The following RUVBL1 variants were observed in gnomAD, a reference collection of about 807,000 sequenced individuals.
RUVBL1 encodes RuvB like AAA ATPase 1.
RUVBL1 carries 4 observed loss-of-function variants against 52.4 expected under a neutral mutation model. That is an observed-to-expected ratio of 0.08 (90% CI 0.04 to 0.17). The LOEUF (loss-of-function observed/expected upper bound fraction) is 0.17. Among genes scored for constraint, RUVBL1 ranks in the 10% least tolerant of loss-of-function variants. The pLI, the probability that RUVBL1 is intolerant of heterozygous loss-of-function variation, is 1.00. For synonymous variants in RUVBL1, 217 were observed against 214.4 expected (o/e 1.01, Z -0.10); for missense variants, 298 against 572.8 (o/e 0.52, Z 4.90).
chr3:128,100,536 A>G (rs955342894), intron 6 of RUVBL1, 59 bp downstream of exon 6: 12 of 1,520,624 alleles, frequency 7.9e-6, no homozygotes. Flanking sequence ...TCATTCCCAG[A>G]TCTCCACACA....
chr3:128,077,003 G>A (rs1426251328), downstream of RUVBL1, among the ~76,000 whole-genome samples: 1 of 151,910 alleles, frequency 6.6e-6, no homozygotes, highest in African/African-American at 2.4e-5. Context: ...GCGGGCAATC[G>A]GCAGGCGCCC....
At chr3:128,116,528 CAAAA>C (rs56800760) in intron 2 of RUVBL1, among the ~76,000 whole-genome samples, 6 of 99,320 alleles carry the variant, frequency 6.0e-5, no homozygotes, top group Admixed American at 2.3e-4. Flanking sequence ...GACTTCATCT[CAAAA>C]AAAAAAAAAA....
intron 9 of RUVBL1, chr3:128,069,939 T>C (rs1942110483): frequency 2.9e-6 from 1 of 346,380 alleles, no homozygotes; most frequent in Admixed American, 4.5e-5. Flanking sequence ...TCCATGTAAC[T>C]TTTGTTTTAA....
At chr3:128,066,987 C>A (rs1425539176) in intron 9 of RUVBL1, 2 of 1,614,162 alleles carry the variant, frequency 1.2e-6, no homozygotes, top group Admixed American at 3.3e-5. Context: ...CAAGTCGGCC[C>A]GCTACCGTGG....
At chr3:128,148,059 C>CA (rs1276923811) in intron 1 of RUVBL1, among the ~76,000 whole-genome samples, 2 of 151,874 alleles carry the variant, frequency 1.3e-5, no homozygotes, top group Non-Finnish European at 2.9e-5. Flanking sequence ...CCTGTAGAGA[C>CA]AGAGAACATA....
At chr3:128,122,889 C>T (rs897313506) in intron 1 of RUVBL1, among the ~76,000 whole-genome samples, 3 of 152,154 alleles carry the variant, frequency 2.0e-5, no homozygotes, top group Non-Finnish European at 4.4e-5. Context: ...AATATTTTCA[C>T]CTGCCAAAAA....
chr3:128,135,897 C>T (rs1943940987), intron 1 of RUVBL1, among the ~76,000 whole-genome samples: 1 of 152,084 alleles, frequency 6.6e-6, no homozygotes, highest in Admixed American at 6.6e-5. Context: ...ACTACAATAA[C>T]TTTTCAAGAC....
Position 128,087,701 on chromosome 3 carries a change from C to T in RUVBL1, c.1119+5G>A, listed in dbSNP as rs375084411. The T allele has an allele frequency of 4.7e-5, 75 of 1,608,958 alleles. No homozygotes were observed. The African/African-American group carries it at 8.9e-4, about 19-fold the overall frequency. ...AGAGAGCAGGAGGGAAGAAGGGAGG[C>T]TCACCTGTTTCATTTCCTGTGGAGT... On this transcript the variant is annotated splice_donor_5th_base_variant and intron_variant, in intron 9 of 10. Coordinates refer to ENST00000322623, the MANE Select transcript of RUVBL1 (RefSeq NM_003707.3).
chr3:128,128,055 A>C (rs113031078), upstream of RUVBL1, among the ~76,000 whole-genome samples: 14 of 147,672 alleles, frequency 9.5e-5, no homozygotes, highest in African/African-American at 2.0e-4. Flanking sequence ...TACATACATA[A>C]ATACATAAAC....
chr3:128,145,472 A>G (rs1354143301), intron 1 of RUVBL1, among the ~76,000 whole-genome samples: 1 of 152,238 alleles, frequency 6.6e-6, no homozygotes, highest in African/African-American at 2.4e-5. Context: ...CATGACATGG[A>G]GGTAGCCAAT....
intron 5 of RUVBL1, 79 bp downstream of exon 5, chr3:128,101,480 G>A: frequency 7.3e-7 from 1 of 1,378,802 alleles, no homozygotes; most frequent in East Asian, 2.3e-5. Context: ...ACCCTCTGAA[G>A]AAAGCAACTC....
chr3:128,092,181 C>G (rs1942857935), intron 8 of RUVBL1, among the ~76,000 whole-genome samples: 1 of 152,240 alleles, frequency 6.6e-6, no homozygotes, highest in African/African-American at 2.4e-5. Flanking sequence ...CAACCCCTTA[C>G]TTATGCCCTA....
chr3:128,080,992 TAGAG>T lies in RUVBL1; in HGVS notation c.*254_*257del, dbSNP rs10574960. On this transcript the variant is annotated 3_prime_UTR_variant, in exon 11 of 11. Transcript: ENST00000322623. ...CTGAAAAGTTTATTTTTAAAAAACT[TAGAG>T]AGAGAGAGAGAGAGAATCAAAATAA... 0.23 allele frequency: 90,187 copies of T among 395,268 alleles called. 11,045 individuals are homozygous for T. The highest frequency in any genetic ancestry group is 0.26 in the South Asian group (4,846 of 18,406). The allele number at this position is 395,268 out of a possible 1,614,324, so 24.5% of individuals were successfully genotyped here. A position where few individuals can be genotyped will look rare whatever the true frequency, so the allele number is the denominator to read the frequency against.
At chr3:128,123,987 G>A (rs1943724451), upstream of RUVBL1, 1 of 896,276 alleles carries the variant, frequency 1.1e-6, no homozygotes, top group African/African-American at 1.8e-5. Context: ...TCCTGCCGAG[G>A]CTGGGGTCGG....
At chr3:128,107,956 C>T (rs1362267498) in intron 3 of RUVBL1, among the ~76,000 whole-genome samples, 1 of 152,212 alleles carries the variant, frequency 6.6e-6, no homozygotes, top group African/African-American at 2.4e-5. Context: ...CTCTCACTAG[C>T]CCCCACATTT....
At chr3:128,131,191 A>G (rs1943871661) in intron 1 of RUVBL1, among the ~76,000 whole-genome samples, 1 of 152,130 alleles carries the variant, frequency 6.6e-6, no homozygotes, top group South Asian at 2.1e-4. Flanking sequence ...TGCCCTGATA[A>G]CAAAGCCAGA....
In RUVBL1 at chr3:128,082,233, G is replaced by T; in HGVS notation, c.1211+250C>A. Reference sequence around the variant, plus strand: ...TGCCACAAGAAGGCCCAGGGTCAAAGCACTCTCCACCAGAGGGGAGCATCT... The same window carrying T: ...TGCCACAAGAAGGCCCAGGGTCAAATCACTCTCCACCAGAGGGGAGCATCT... On this transcript the variant is annotated intron_variant, in intron 10 of 10. Transcript: ENST00000322623. The surrounding 1 kb of genome is among the most constrained non-coding windows in gnomAD (Gnocchi z 4.7). 4 of 475,222 alleles carry T rather than the reference G, an allele frequency of 8.4e-6. No homozygotes were observed. Among genetic ancestry groups the T allele is most frequent in the Non-Finnish European group, 1.5e-5 (4 of 263,418 alleles). 29.4% of individuals were successfully genotyped at this position (475,222 alleles called of 1,614,324 possible).
downstream of RUVBL1, among the ~76,000 whole-genome samples, chr3:128,077,816 T>C (rs183175433): frequency 4.3e-4 from 65 of 152,300 alleles, no homozygotes; most frequent in African/African-American, 1.2e-3. Flanking sequence ...GCAGGCTGCT[T>C]CCTCCAGTTT....
At chr3:128,152,345 C>T (rs1052048035) in intron 1 of RUVBL1, among the ~76,000 whole-genome samples, 2 of 152,164 alleles carry the variant, frequency 1.3e-5, no homozygotes, top group African/African-American at 4.8e-5. Context: ...TAATGTTGTC[C>T]TCTTCCATCT....
Sources: gnomAD v4.1 joint callset for allele counts (sites outside exome capture counted in the v4.1 genomes callset) on GRCh38, gnomAD v4.1.1 for gene constraint, Gnocchi (gnomAD v3.1) non-coding constraint, MANE v1.5 for transcripts, NCBI Gene and HGNC (gene_info 2026-07-23, HGNC 2026-07-21) for gene names.